Variants in DOCK3 observed in about 807,000 individuals in gnomAD.
The protein encoded by DOCK3 is dedicator of cytokinesis protein 3.
DOCK3 carries 60 observed loss-of-function variants against 265.6 expected under a neutral mutation model. The ratio of observed to expected loss-of-function variants is 0.23; its 90% CI spans 0.18 to 0.28. The LOEUF (loss-of-function observed/expected upper bound fraction) is 0.28, where lower values mean the gene tolerates loss of function less well. DOCK3 is among the 10% of genes least tolerant of loss of function. DOCK3 has a pLI of 1.00. For missense variants in DOCK3, 1,981 were observed against 2,594.3 expected (o/e 0.76, Z 5.14); for synonymous variants, 881 against 938.0 (o/e 0.94, Z 1.11).
intron 2 of DOCK3, among the ~76,000 whole-genome samples, chr3:50,817,761 C>T (rs1188234784): frequency 6.6e-6 from 1 of 151,304 alleles, no homozygotes; most frequent in South Asian, 2.1e-4. Flanking sequence ...TCAACTCTTT[C>T]TGTTTTGACT....
chr3:50,683,959 G>A (rs907080436), intron 1 of DOCK3, among the ~76,000 whole-genome samples: 3 of 151,248 alleles, frequency 2.0e-5, no homozygotes, highest in Non-Finnish European at 4.4e-5. Flanking sequence ...CCACCATGCC[G>A]GGTCTCTCTC....
intron 2 of DOCK3, among the ~76,000 whole-genome samples, chr3:50,784,284 T>G (rs2042074481): frequency 6.6e-6 from 1 of 152,262 alleles, no homozygotes; most frequent in Non-Finnish European, 1.5e-5. Flanking sequence ...CCCCACTTTA[T>G]GTTTTTGTTT....
chr3:50,786,392 G>T (rs1408874224), intron 2 of DOCK3, among the ~76,000 whole-genome samples: 1 of 152,158 alleles, frequency 6.6e-6, no homozygotes, highest in African/African-American at 2.4e-5. Flanking sequence ...TGAGCTCAAG[G>T]TCGTCTTCTT....
At chr3:51,277,474 A>T (rs1051287028) in intron 25 of DOCK3, 134 bp from the exon 26 acceptor site, 1 of 1,195,216 alleles carries the variant, frequency 8.4e-7, no homozygotes, top group African/African-American at 1.6e-5. Flanking sequence ...TTGACACTGC[A>T]TGTTGGTGAG....
intron 33 of DOCK3, among the ~76,000 whole-genome samples, chr3:51,331,726 G>A (rs1054076633): frequency 6.6e-6 from 1 of 152,184 alleles, no homozygotes; most frequent in African/African-American, 2.4e-5. Flanking sequence ...GGGAGGCTAA[G>A]GTGGGAGGAT....
chr3:50,879,196 G>A (rs926510329), intron 3 of DOCK3, among the ~76,000 whole-genome samples: 18 of 152,114 alleles, frequency 1.2e-4, no homozygotes, highest in African/African-American at 3.6e-4. Flanking sequence ...AAAGACCATC[G>A]ATGCTAGGAA....
chr3:50,979,009 TACGGTGCGC>T (rs978123916), intron 5 of DOCK3, among the ~76,000 whole-genome samples: 7 of 152,170 alleles, frequency 4.6e-5, no homozygotes, highest in African/African-American at 1.7e-4. Flanking sequence ...TCGGCTCGCG[TACGGTGCGC>T]ACACCCACTG....
rs144339268 is a variant in DOCK3, at chr3:51,108,985, T to C, written c.746+18601T>C. Among the ~76,000 whole-genome samples the C allele has an allele frequency of 1.5e-3, 230 of 152,202 alleles. 4 individuals are homozygous for C. In the East Asian group the frequency reaches 0.037, roughly 24 times the overall value. On this transcript the variant is annotated intron_variant, in intron 9 of 52. Transcript: ENST00000266037. ...GTGTTAGATCATCAAGGCAGAAAAT[T>C]AGTGAAGATATGCAGGACCTGAACT... is the stretch of plus-strand genomic sequence containing the variant.
At chr3:51,296,516 G>T (rs1369675132) in intron 27 of DOCK3, among the ~76,000 whole-genome samples, 28 of 139,298 alleles carry the variant, frequency 2.0e-4, no homozygotes, top group Non-Finnish European at 2.3e-4. Context: ...TTGCTCTGTT[G>T]CCTGGGCTGG....
chr3:50,723,457 G>A (rs1290158211), intron 1 of DOCK3, among the ~76,000 whole-genome samples: 1 of 152,104 alleles, frequency 6.6e-6, no homozygotes, highest in Admixed American at 6.5e-5. Flanking sequence ...GATCACTTGA[G>A]GTCAGGAGTT....
chr3:50,783,963 G>A (rs1238282729), intron 2 of DOCK3, among the ~76,000 whole-genome samples: 1 of 151,496 alleles, frequency 6.6e-6, no homozygotes, highest in Non-Finnish European at 1.5e-5. Flanking sequence ...CGCCTCCCAA[G>A]TTTAAGTGAT....
chr3:51,066,038 A>G (rs1043763442), intron 6 of DOCK3, among the ~76,000 whole-genome samples: 3 of 152,256 alleles, frequency 2.0e-5, no homozygotes, highest in Admixed American at 6.5e-5. Context: ...ATAAGATGCC[A>G]TGTAAAAGAA....
chr3:50,896,395 C>G (rs567162902), intron 4 of DOCK3, among the ~76,000 whole-genome samples: 17 of 151,866 alleles, frequency 1.1e-4, no homozygotes, highest in Non-Finnish European at 2.5e-4. Context: ...AGGATATTGT[C>G]AGATGGAGAG....
intron 12 of DOCK3, among the ~76,000 whole-genome samples, 174 bp from the exon 13 acceptor site, chr3:51,208,600 T>A (rs2108136156): frequency 6.6e-6 from 1 of 152,352 alleles, no homozygotes; most frequent in East Asian, 1.9e-4. Context: ...TTTGCCCAAG[T>A]ATGTGTTTTC....
At chr3:51,308,548 T>G (rs1322990870) in intron 27 of DOCK3, among the ~76,000 whole-genome samples, 1 of 151,684 alleles carries the variant, frequency 6.6e-6, no homozygotes, top group Non-Finnish European at 1.5e-5. Flanking sequence ...AGGTCATAGA[T>G]CAACAGGATC....
At chr3:50,725,391 A>G (rs6446214) in intron 1 of DOCK3, among the ~76,000 whole-genome samples, 137,856 of 152,244 alleles carry the variant, frequency 0.91, 62,573 homozygotes, top group African/African-American at 0.95. Context: ...AGTAAAAGAG[A>G]CAAGTGAAAT....
chr3:50,992,311 G>C (rs1575699423), intron 5 of DOCK3, among the ~76,000 whole-genome samples: 1 of 152,146 alleles, frequency 6.6e-6, no homozygotes, highest in East Asian at 1.9e-4. Flanking sequence ...GTTTTGTTTT[G>C]TTTTGAGATG....
chr3:51,289,367 A>C (rs1208726479), intron 27 of DOCK3, among the ~76,000 whole-genome samples: 1 of 152,200 alleles, frequency 6.6e-6, no homozygotes, highest in Non-Finnish European at 1.5e-5. Flanking sequence ...CTATTAGTAT[A>C]AGATGTTTTA....
chr3:51,037,735 A>T (rs368166650), intron 5 of DOCK3, among the ~76,000 whole-genome samples: 2 of 152,158 alleles, frequency 1.3e-5, no homozygotes, highest in South Asian at 2.1e-4. Context: ...TTGAGTACTT[A>T]AAGGAATTGT....
Sources: allele counts gnomAD v4.1 joint callset (sites outside exome capture counted in the v4.1 genomes callset), GRCh38; gene constraint gnomAD v4.1.1; transcripts MANE v1.5; gene names NCBI Gene and HGNC (gene_info 2026-07-23, HGNC 2026-07-21).